PIAS2: variants seen among roughly 807,000 people sequenced by gnomAD.
The protein encoded by PIAS2 is protein inhibitor of activated STAT 2, also known as E3 SUMO-protein ligase PIAS2.
In PIAS2, 19 loss-of-function variants were observed where a neutral mutation model predicts 69.7. The observed-to-expected ratio is 0.27, with a 90% CI of 0.19 to 0.40. PIAS2 has a LOEUF of 0.40. Ranked by LOEUF, PIAS2 falls within the 10% of genes least tolerant of loss-of-function variation. PIAS2 has a pLI of 1.00. For synonymous variants in PIAS2, 261 were observed against 263.2 expected, an observed-to-expected ratio of 0.99 and a Z score of 0.08; for missense variants, 624 against 757.0, an observed-to-expected ratio of 0.82 and a Z score of 2.06.
rs2048699631 is a variant in PIAS2, at chr18:46,861,753, A to C, written c.584+2411T>G. 2.0e-5 allele frequency among the ~76,000 whole-genome samples: 3 copies of C among 152,184 alleles called. No individual in the cohort carries two copies. In the South Asian group the frequency reaches 6.2e-4, roughly 32 times the overall value. ...AAGTGTCACGCTGTGAAAGACAAAA[A>C]ACAAACAAACAAAAACTAAGAAACT... On this transcript the variant is annotated intron_variant, in intron 3 of 13. Coordinates refer to ENST00000585916, the MANE Select transcript of PIAS2 (RefSeq NM_004671.5).
intron 9 of PIAS2, among the ~76,000 whole-genome samples, chr18:46,831,805 C>T (rs2098299966): frequency 1.3e-5 from 2 of 152,122 alleles, no homozygotes; most frequent in Non-Finnish European, 2.9e-5. Context: ...TAAAAATTAA[C>T]TTGATAGAAA....
intron 2 of PIAS2, among the ~76,000 whole-genome samples, 171 bp from the exon 3 acceptor site, chr18:46,864,419 T>C (rs1199222619): frequency 6.6e-6 from 1 of 152,044 alleles, no homozygotes; most frequent in Non-Finnish European, 1.5e-5. Flanking sequence ...GAATCATGAG[T>C]AAAGTCACTA....
At chr18:46,886,643 G>C (rs1017682904) in intron 2 of PIAS2, among the ~76,000 whole-genome samples, 1 of 152,098 alleles carries the variant, frequency 6.6e-6, no homozygotes, top group Non-Finnish European at 1.5e-5. Flanking sequence ...TTCAAGACCA[G>C]CCTGGCCAAC....
intron 3 of PIAS2, among the ~76,000 whole-genome samples, chr18:46,860,790 A>C (rs2145550182): frequency 6.6e-6 from 1 of 152,210 alleles, no homozygotes; most frequent in South Asian, 2.1e-4. Flanking sequence ...TAGCCGAGGC[A>C]ATACTGTGAG....
At chr18:46,834,455 T>TA (rs1568424324) in intron 9 of PIAS2, among the ~76,000 whole-genome samples, 1 of 152,132 alleles carries the variant, frequency 6.6e-6, no homozygotes, top group Admixed American at 6.5e-5. Flanking sequence ...AAATCTTTTT[T>TA]AAAAAAGGAA....
intron 2 of PIAS2, among the ~76,000 whole-genome samples, chr18:46,872,934 C>T (rs1480443946): frequency 2.0e-5 from 3 of 152,134 alleles, no homozygotes; most frequent in Non-Finnish European, 2.9e-5. Context: ...GCCCTTCCTT[C>T]CCTAGAAAAA....
chr18:46,916,959 G>A, intron 1 of PIAS2: 1 of 985,698 alleles, frequency 1.0e-6, no homozygotes, highest in Non-Finnish European at 1.2e-6. Flanking sequence ...GTACACCCCG[G>A]TGAAGGTGCA....
At chr18:46,826,087 G>A (rs2042810059) in intron 11 of PIAS2, among the ~76,000 whole-genome samples, 1 of 152,214 alleles carries the variant, frequency 6.6e-6, no homozygotes, top group Admixed American at 6.5e-5. Flanking sequence ...GAACGAACTA[G>A]GTAGCTGCGC....
At chr18:46,859,997 G>A (rs531659759) in intron 3 of PIAS2, among the ~76,000 whole-genome samples, 21 of 152,304 alleles carry the variant, frequency 1.4e-4, no homozygotes, top group African/African-American at 4.8e-4. Flanking sequence ...AAAGAGAACT[G>A]AATCCAATGT....
chr18:46,818,942 T>C (rs144562081), intron 12 of PIAS2, among the ~76,000 whole-genome samples: 1 of 152,172 alleles, frequency 6.6e-6, no homozygotes, highest in Non-Finnish European at 1.5e-5. Flanking sequence ...TTTTCTCAAG[T>C]TTGCACATTT....
intron 8 of PIAS2, among the ~76,000 whole-genome samples, chr18:46,837,490 TCA>T (rs1476063042): frequency 2.0e-5 from 3 of 152,186 alleles, no homozygotes; most frequent in South Asian, 2.1e-4. Flanking sequence ...ATATAAGAAA[TCA>T]CGTGTGTAAC....
chr18:46,807,383 A>ATATATTTTTTTTTT lies in PIAS2; in HGVS notation c.*5049_*5050insAAAAAAAAAATATA, dbSNP rs869149927. 2 of 11,600 alleles carry ATATATTTTTTTTTT rather than the reference A, an allele frequency of 1.7e-4. No individual in the cohort carries two copies. The allele number at this position is 11,600 out of a possible 1,614,324, so 0.7% of individuals were successfully genotyped here. ...TATATATATATATATATATATATAT[A>ATATATTTTTTTTTT]TTTTTTTTTTTTTTTTTTTTTTTTT... is the stretch of plus-strand genomic sequence containing the variant. On this transcript the variant is annotated 3_prime_UTR_variant, in exon 14 of 14. Coordinates refer to ENST00000585916, the MANE Select transcript of PIAS2 (RefSeq NM_004671.5).
intron 2 of PIAS2, among the ~76,000 whole-genome samples, chr18:46,886,654 G>GT (rs559538922): frequency 5.9e-5 from 9 of 151,920 alleles, no homozygotes; most frequent in Non-Finnish European, 8.8e-5. Context: ...CCTGGCCAAC[G>GT]TAACGAAACC....
chr18:46,866,905 AT>A (rs1482651534), intron 2 of PIAS2, among the ~76,000 whole-genome samples: 2 of 152,218 alleles, frequency 1.3e-5, no homozygotes, highest in African/African-American at 4.8e-5. Context: ...CCCTCTGTGA[AT>A]TCACGAATAT....
chr18:46,806,353 C>CGT lies in PIAS2; in HGVS notation c.*6079_*6080insAC, dbSNP rs2040685101. ...AAAATTCTTTGCACAATGCCTGTTACTTTTTTTTTTTTTTTTTTTTTTTTT... is the reference window on the plus strand; with the variant it reads ...AAAATTCTTTGCACAATGCCTGTTACGTTTTTTTTTTTTTTTTTTTTTTTTTT... On this transcript the variant is annotated 3_prime_UTR_variant, in exon 14 of 14. Coordinates refer to ENST00000585916, the MANE Select transcript of PIAS2 (RefSeq NM_004671.5). The CGT allele has an allele frequency of 3.3e-5, 2 of 60,176 alleles. No homozygotes were observed. The highest frequency in any genetic ancestry group is 6.5e-5 in the Non-Finnish European group (2 of 30,792). The allele number at this position is 60,176 out of a possible 1,614,324, so 3.7% of individuals were successfully genotyped here.
chr18:46,807,775 TAG>T lies in PIAS2; in HGVS notation c.*4656_*4657del, dbSNP rs780411027. On this transcript the variant is annotated 3_prime_UTR_variant, in exon 14 of 14. Transcript: ENST00000585916. ...CTCCATATCAGTTAACCCCGTTCCA[TAG>T]AGTCAGAAAGGCAGAGGGTCTTAGT... 4 of 152,218 alleles carry T rather than the reference TAG, an allele frequency of 2.6e-5. No individual in the cohort carries two copies. The highest frequency in any genetic ancestry group is 1.9e-4 in the East Asian group (1 of 5,196). 9.4% of individuals were successfully genotyped at this position (152,218 alleles called of 1,614,324 possible).
At chr18:46,880,864 A>G (rs1485878972) in intron 2 of PIAS2, among the ~76,000 whole-genome samples, 1 of 152,228 alleles carries the variant, frequency 6.6e-6, no homozygotes, top group Non-Finnish European at 1.5e-5. Flanking sequence ...AACTGCATCT[A>G]TATAGCAATA....
chr18:46,837,547 CTT>C (rs1206419277), intron 8 of PIAS2, among the ~76,000 whole-genome samples: 1 of 152,046 alleles, frequency 6.6e-6, no homozygotes, highest in East Asian at 1.9e-4. Context: ...TATAGGCACT[CTT>C]TATATAAGAA....
intron 2 of PIAS2, among the ~76,000 whole-genome samples, chr18:46,875,544 A>G (rs1469806178): frequency 6.6e-6 from 1 of 152,158 alleles, no homozygotes; most frequent in Non-Finnish European, 1.5e-5. Flanking sequence ...TCGGTTGAAA[A>G]CAATAAAGAA....
Sources: gnomAD v4.1 joint callset for allele counts (sites outside exome capture counted in the v4.1 genomes callset) on GRCh38, gnomAD v4.1.1 for gene constraint, MANE v1.5 for transcripts, NCBI Gene and HGNC (gene_info 2026-07-23, HGNC 2026-07-21) for gene names.